Variants in SLIT3 observed in about 807,000 individuals in gnomAD.
SLIT3 encodes the protein slit homolog 3 protein.
Under a neutral mutation model 184.0 loss-of-function variants are expected in SLIT3, and 68 were observed. The observed-to-expected ratio is 0.37, with a 90% CI of 0.30 to 0.45. The LOEUF is 0.45. SLIT3 is among the 20% of genes least tolerant of loss of function. The pLI is 1.00. For synonymous variants in SLIT3, 831 were observed against 828.6 expected (o/e 1.00, Z -0.05); for missense variants, 1,707 against 2,026.0 (o/e 0.84, Z 3.02).
chr5:168,978,232 C>A (rs968780502), intron 4 of SLIT3, among the ~76,000 whole-genome samples: 34 of 152,348 alleles, frequency 2.2e-4, no homozygotes, highest in Middle Eastern at 3.4e-3. Context: ...GTAGAAGTTT[C>A]CATGTGCAGA....
chr5:169,087,536 C>A (rs1007328186), intron 4 of SLIT3, among the ~76,000 whole-genome samples: 2 of 152,222 alleles, frequency 1.3e-5, no homozygotes, highest in Admixed American at 6.5e-5. Flanking sequence ...CAATTAGGAA[C>A]AACCTATGTG....
At chr5:169,041,440 T>C (rs1304506613) in intron 4 of SLIT3, among the ~76,000 whole-genome samples, 1 of 149,244 alleles carries the variant, frequency 6.7e-6, no homozygotes, top group Non-Finnish European at 1.5e-5. Context: ...GTGGCATCTA[T>C]CATGGATTTG....
At chr5:169,071,452 G>A (rs1220632380) in intron 4 of SLIT3, among the ~76,000 whole-genome samples, 1 of 152,188 alleles carries the variant, frequency 6.6e-6, no homozygotes, top group African/African-American at 2.4e-5. Context: ...GCGTTTGAGG[G>A]AAAGGTAGTT....
rs1464006437 is a variant in SLIT3 at position 168,710,914 on chromosome 5, G to C, written c.2700C>G (p.Thr900=). The change falls in exon 25 of 36, where the codon ACC becomes ACG. Residue 900 remains threonine, a synonymous_variant. Coordinates refer to ENST00000519560, the MANE Select transcript of SLIT3 (RefSeq NM_003062.4). ...ACCTACCTTTGCACTGGAAGCGGTG[G>C]GTTGGGGTGGTGAGCAGGAGCCTGT... ...MADRLLLTTP[T]HRFQCKGPVD... is the part of the protein sequence containing the mutation. 6.4e-7 allele frequency: 1 copy of C among 1,553,570 alleles called. No individual in the cohort carries two copies. Among genetic ancestry groups the C allele is most frequent in the Non-Finnish European group, 8.7e-7 (1 of 1,147,292 alleles).
intron 4 of SLIT3, among the ~76,000 whole-genome samples, chr5:169,109,093 G>A (rs946005176): frequency 6.6e-6 from 1 of 152,170 alleles, no homozygotes. Flanking sequence ...CTTTTGATGA[G>A]GCTAAGTTAT....
chr5:169,065,126 C>T (rs947172231), intron 4 of SLIT3, among the ~76,000 whole-genome samples: 4 of 152,140 alleles, frequency 2.6e-5, no homozygotes, highest in Non-Finnish European at 4.4e-5. Flanking sequence ...AGGTGCAAAG[C>T]GAAACCTGCA....
chr5:168,971,325 T>C (rs1229413186), intron 4 of SLIT3, among the ~76,000 whole-genome samples: 1 of 152,126 alleles, frequency 6.6e-6, no homozygotes, highest in Non-Finnish European at 1.5e-5. Context: ...ATGTGAGAGG[T>C]TGGGTGGATC....
At chr5:168,668,463 G>A (rs1436812482) in intron 35 of SLIT3, among the ~76,000 whole-genome samples, 1 of 152,204 alleles carries the variant, frequency 6.6e-6, no homozygotes, top group Non-Finnish European at 1.5e-5. Flanking sequence ...GAAAAGAGGA[G>A]AAAAGAACCA....
chr5:168,805,690 G>GT (rs2113630147), intron 9 of SLIT3, among the ~76,000 whole-genome samples: 1 of 152,254 alleles, frequency 6.6e-6, no homozygotes, highest in South Asian at 2.1e-4. Context: ...ACACCATCTT[G>GT]TGTCATTACC....
chr5:168,989,157 A>G (rs1331879624), intron 4 of SLIT3, among the ~76,000 whole-genome samples: 1 of 152,228 alleles, frequency 6.6e-6, no homozygotes. Context: ...AGACATGAAA[A>G]GCAGGCAAAT....
chr5:169,217,130 T>TAAA (rs55757348), intron 3 of SLIT3, among the ~76,000 whole-genome samples: 18 of 126,936 alleles, frequency 1.4e-4, no homozygotes, highest in African/African-American at 5.2e-4. Flanking sequence ...TTGAGTAGGT[T>TAAA]AAAAAAAAAA....
At chr5:168,743,016 CA>C (rs1763684113) in intron 20 of SLIT3, among the ~76,000 whole-genome samples, 1 of 152,102 alleles carries the variant, frequency 6.6e-6, no homozygotes, top group Admixed American at 6.5e-5. Flanking sequence ...CCTGTAGTCC[CA>C]GCTACCGGAG....
intron 3 of SLIT3, among the ~76,000 whole-genome samples, chr5:169,215,557 C>T (rs1764408391): frequency 6.6e-6 from 1 of 152,118 alleles, no homozygotes; most frequent in Non-Finnish European, 1.5e-5. Context: ...CAAAAGCAAC[C>T]ATAAACAATA....
At chr5:169,269,039 T>G (rs1411187269) in intron 1 of SLIT3, among the ~76,000 whole-genome samples, 1 of 152,200 alleles carries the variant, frequency 6.6e-6, no homozygotes, top group Non-Finnish European at 1.5e-5. Context: ...CAAAGTATTA[T>G]CCACGGAGTA....
Position 168,736,116 on chromosome 5 carries a change from A to T in SLIT3, c.2271-11632T>A, listed in dbSNP as rs372086823. Among the ~76,000 whole-genome samples, 25 of 152,120 alleles carry T rather than the reference A, an allele frequency of 1.6e-4. No individual in the cohort carries two copies. The East Asian group carries it at 4.8e-3, about 29-fold the overall frequency. ...CTTACTGTCTTTCTCCCCTACTCTC[A>T]GTTTCTGAGAAAAGGGATCTTATCT... On this transcript the variant is annotated intron_variant, in intron 20 of 35. Coordinates refer to ENST00000519560, the MANE Select transcript of SLIT3 (RefSeq NM_003062.4).
At chr5:169,265,321 G>T (rs995879502) in intron 1 of SLIT3, among the ~76,000 whole-genome samples, 6 of 152,152 alleles carry the variant, frequency 3.9e-5, no homozygotes, top group African/African-American at 1.4e-4. Flanking sequence ...TGCCAATTTG[G>T]GAGCATTTCA....
chr5:169,213,378 CT>C (rs1764333411), intron 3 of SLIT3, among the ~76,000 whole-genome samples: 1 of 152,164 alleles, frequency 6.6e-6, no homozygotes, highest in Non-Finnish European at 1.5e-5. Context: ...AGATTCAATG[CT>C]ATCCCTATCA....
At chr5:169,256,954 C>T (rs1197910553) in intron 1 of SLIT3, among the ~76,000 whole-genome samples, 1 of 151,844 alleles carries the variant, frequency 6.6e-6, no homozygotes, top group African/African-American at 2.4e-5. Flanking sequence ...TAATGATTAT[C>T]ATTCATTGAG....
rs1561860477 is a variant in SLIT3 at position 168,662,221 on chromosome 5, TCA to T, written c.*4231_*4232del. On this transcript the variant is annotated 3_prime_UTR_variant, in exon 36 of 36. Transcript: ENST00000519560. ...CCGCATTCTTCCATTTGTTCGACCC[TCA>T]GTTTTCCTGCCTACCAGTAATGCCC... 1 of 152,382 alleles carries T rather than the reference TCA, an allele frequency of 6.6e-6. No individual in the cohort carries two copies. Among genetic ancestry groups the T allele is most frequent in the East Asian group, 1.9e-4 (1 of 5,184 alleles). The allele number at this position is 152,382 out of a possible 1,614,324, so 9.4% of individuals were successfully genotyped here.
Sources: allele counts gnomAD v4.1 joint callset (sites outside exome capture counted in the v4.1 genomes callset), GRCh38; gene constraint gnomAD v4.1.1; transcripts MANE v1.5; gene names NCBI Gene and HGNC (gene_info 2026-07-23, HGNC 2026-07-21).